Variants in MAP7 observed in about 807,000 individuals in gnomAD.
MAP7 encodes the protein microtubule associated protein 7.
A neutral mutation model predicts 94.8 loss-of-function variants in MAP7; 52 were observed. The observed-to-expected ratio is 0.55, with a 90% CI of 0.44 to 0.69. MAP7 has a LOEUF of 0.69. MAP7 is among the 30% of genes least tolerant of loss of function. MAP7 has a pLI of 0.00. For missense variants in MAP7, 940 were observed against 964.6 expected (o/e 0.97, Z 0.34); for synonymous variants, 350 against 357.0 (o/e 0.98, Z 0.22).
chr6:136,470,161 C>A (rs1454384700), intron 1 of MAP7, among the ~76,000 whole-genome samples: 1 of 152,132 alleles, frequency 6.6e-6, no homozygotes, highest in African/African-American at 2.4e-5. Context: ...TGCAATCTGA[C>A]ACCTTGCTCT....
Position 136,451,254 on chromosome 6 carries a change from C to G in MAP7, c.68-29455G>C, listed in dbSNP as rs140551602. Among the ~76,000 whole-genome samples, 98 of 152,262 alleles carry G rather than the reference C, an allele frequency of 6.4e-4. 1 individual carries two copies. In the East Asian group the frequency reaches 0.013, roughly 20 times the overall value. On this transcript the variant is annotated intron_variant, in intron 1 of 17. Coordinates refer to ENST00000354570, the MANE Select transcript of MAP7 (RefSeq NM_003980.6). ...TGTTTCTGTAGACATGTATTAAAGC[C>G]ACCTCCTAGACATTTATAGGCATCT...
intron 3 of MAP7, among the ~76,000 whole-genome samples, chr6:136,405,084 T>C (rs1393531422): frequency 6.6e-6 from 1 of 152,216 alleles, no homozygotes; most frequent in Non-Finnish European, 1.5e-5. Context: ...TATTACATGA[T>C]ACTTTGGTAA....
intron 1 of MAP7, among the ~76,000 whole-genome samples, chr6:136,498,059 A>C (rs1385095895): frequency 1.3e-5 from 2 of 152,066 alleles, no homozygotes; most frequent in African/African-American, 4.8e-5. Flanking sequence ...CAAAGGTGAG[A>C]GACTTTATCC....
intron 1 of MAP7, among the ~76,000 whole-genome samples, chr6:136,523,724 T>TG (rs1450199266): frequency 3.9e-5 from 6 of 152,112 alleles, no homozygotes; most frequent in Non-Finnish European, 5.9e-5. Context: ...TACCTACCCT[T>TG]GCCCTTCCCA....
intron 1 of MAP7, among the ~76,000 whole-genome samples, chr6:136,459,959 G>C (rs1375923277): frequency 3.3e-5 from 5 of 152,116 alleles, no homozygotes; most frequent in Admixed American, 6.6e-5. Context: ...CATAACTCTA[G>C]GAAAGTAATT....
At position 136,361,016 on chromosome 6, in the gene MAP7, C is replaced by A. The variant is rs757742259; in HGVS notation, c.1690G>T (p.Ala564Ser). The change falls in exon 12 of 18, where the codon GCC becomes TCC. Residue 564 changes from alanine to serine, a missense_variant. Transcript: ENST00000354570. ...GGGTGCGGCCGCACCTGCCTCTGGGCGCGCTCTGCCTCCTCCCGCTCGCGC... is the reference window on the plus strand; with the variant it reads ...GGGTGCGGCCGCACCTGCCTCTGGGAGCGCTCTGCCTCCTCCCGCTCGCGC... Reference protein sequence around the residue: ...ALREREEAERAQRQKEEEARV... With the variant: ...ALREREEAERSQRQKEEEARV... 5 of 1,570,090 alleles carry A rather than the reference C, an allele frequency of 3.2e-6. No individual in the cohort carries two copies. The East Asian group carries it at 9.2e-5, about 29-fold the overall frequency.
Position 136,360,913 on chromosome 6 carries a change from A to G in MAP7, c.1701+92T>C, listed in dbSNP as rs962683153. ...GGATGGAGAAGGTGTGGAAAGCGGG[A>G]GCACCAGCAGTCCAGTCCGCACCCT... is the stretch of plus-strand genomic sequence containing the variant. On this transcript the variant is annotated intron_variant, in intron 12 of 17. Coordinates refer to ENST00000354570, the MANE Select transcript of MAP7 (RefSeq NM_003980.6). 7 of 1,542,538 alleles carry G rather than the reference A, an allele frequency of 4.5e-6. 1 individual carries two copies. Among genetic ancestry groups the G allele is most frequent in the Admixed American group, 3.5e-5 (2 of 56,768 alleles).
chr6:136,442,400 G>C (rs936806103), intron 1 of MAP7, among the ~76,000 whole-genome samples: 2 of 62,554 alleles, frequency 3.2e-5, no homozygotes, highest in African/African-American at 5.4e-5. Context: ...GTAAGACTCT[G>C]TCTCCAAAAA....
At chr6:136,360,838 C>A (rs753188327) in intron 12 of MAP7, 40 bp from the exon 13 acceptor site, 14 of 1,602,150 alleles carry the variant, frequency 8.7e-6, no homozygotes, top group Non-Finnish European at 1.1e-5. Context: ...GACAAACAGG[C>A]GGGCTGCCCG....
chr6:136,434,089 T>C (rs1458879361), intron 1 of MAP7, among the ~76,000 whole-genome samples: 3 of 152,074 alleles, frequency 2.0e-5, no homozygotes, highest in African/African-American at 4.8e-5. Flanking sequence ...AGTGGATCGC[T>C]GAGCTCAGGA....
At chr6:136,353,430 G>C (rs1288927884) in intron 16 of MAP7, among the ~76,000 whole-genome samples, 1 of 152,220 alleles carries the variant, frequency 6.6e-6, no homozygotes. Context: ...GAGAGAAGCA[G>C]TGAGTGAAAT....
intron 1 of MAP7, among the ~76,000 whole-genome samples, chr6:136,436,952 G>T (rs1796531677): frequency 6.6e-6 from 1 of 152,194 alleles, no homozygotes; most frequent in African/African-American, 2.4e-5. Context: ...CATTAAAAAT[G>T]ATACAAATGT....
intron 3 of MAP7, among the ~76,000 whole-genome samples, chr6:136,409,261 TG>T (rs1780326531): frequency 6.6e-6 from 1 of 152,198 alleles, no homozygotes; most frequent in East Asian, 1.9e-4. Context: ...GACGTGAGTC[TG>T]TAATGCCAGC....
intron 16 of MAP7, among the ~76,000 whole-genome samples, chr6:136,355,580 CATTATAAA>C (rs1790678653): frequency 6.6e-6 from 1 of 152,116 alleles, no homozygotes; most frequent in Non-Finnish European, 1.5e-5. Flanking sequence ...TATAAAATTA[CATTATAAA>C]ATTACATTAT....
rs751878044 is a variant in MAP7 at position 136,356,800 on chromosome 6, C to T, written c.1913-6G>A. 1 of 1,610,488 alleles carries T rather than the reference C, an allele frequency of 6.2e-7. No individual in the cohort carries two copies. The highest frequency in any genetic ancestry group is 8.5e-7 in the Non-Finnish European group (1 of 1,176,778). The stretch of plus-strand genomic sequence containing the variant: ...ACATGGAAGTGCAGACACCTCTGGG[C>T]ATAGTAAAGGAGACAGAACACAGGG... On this transcript the variant is annotated splice_region_variant and splice_polypyrimidine_tract_variant and intron_variant, in intron 15 of 17. Coordinates refer to ENST00000354570, the MANE Select transcript of MAP7 (RefSeq NM_003980.6).
chr6:136,450,456 A>T (rs184618854), intron 1 of MAP7, among the ~76,000 whole-genome samples: 2 of 152,218 alleles, frequency 1.3e-5, no homozygotes, highest in Admixed American at 6.5e-5. Context: ...TTAAAATGCA[A>T]ATAATCTAGT....
chr6:136,364,338 C>T, intron 10 of MAP7: 1 of 453,020 alleles, frequency 2.2e-6, no homozygotes, highest in Non-Finnish European at 4.3e-6. Flanking sequence ...AGCTCGTGGA[C>T]CTGCACCAGC....
intron 2 of MAP7, among the ~76,000 whole-genome samples, chr6:136,413,957 T>C (rs1476391793): frequency 2.1e-5 from 3 of 144,934 alleles, no homozygotes; most frequent in African/African-American, 5.0e-5. Context: ...TTCTTAAAAA[T>C]TGGTTAAATG....
intron 3 of MAP7, among the ~76,000 whole-genome samples, chr6:136,390,317 T>G (rs1780342063): frequency 1.3e-5 from 2 of 152,044 alleles, no homozygotes; most frequent in African/African-American, 2.4e-5. Context: ...GAGTAAATCT[T>G]GAGGACACTA....
Sources: gnomAD v4.1 joint callset for allele counts (sites outside exome capture counted in the v4.1 genomes callset) on GRCh38, gnomAD v4.1.1 for gene constraint, MANE v1.5 for transcripts, NCBI Gene and HGNC (gene_info 2026-07-23, HGNC 2026-07-21) for gene names.